BRD10: variants seen among roughly 807,000 people sequenced by gnomAD.
The protein encoded by BRD10 is uncharacterized bromodomain-containing protein 10.
At chr9:6,007,923 C>G in the BRD10 span, 1 of 1,335,190 alleles carries the variant, frequency 7.5e-7, no homozygotes, top group Non-Finnish European at 9.5e-7. Flanking sequence ...TCCTCAGCCG[C>G]CGGCTCGGCT....
the BRD10 span, among the ~76,000 whole-genome samples, chr9:5,980,712 A>C: frequency 6.6e-6 from 1 of 152,138 alleles, no homozygotes; most frequent in Non-Finnish European, 1.5e-5. Context: ...ATTTTAAAAA[A>C]TCTACTTTTT....
the BRD10 span, among the ~76,000 whole-genome samples, chr9:5,879,816 C>G: frequency 6.6e-6 from 1 of 152,176 alleles, no homozygotes; most frequent in African/African-American, 2.4e-5. Context: ...TTTATCCGAC[C>G]TCTGACTATA....
chr9:5,964,435 G>A, the BRD10 span, among the ~76,000 whole-genome samples: 1 of 150,778 alleles, frequency 6.6e-6, no homozygotes, highest in African/African-American at 2.4e-5. Context: ...TGGAGAAATA[G>A]GAACACTTTT....
the BRD10 span, chr9:5,891,011 C>T: frequency 6.6e-6 from 1 of 152,166 alleles, no homozygotes; most frequent in Non-Finnish European, 1.5e-5. Context: ...CTGGCTAAGT[C>T]CTCTGCCTAC....
chr9:5,891,239 T>C, the BRD10 span: 1 of 152,216 alleles, frequency 6.6e-6, no homozygotes, highest in Non-Finnish European at 1.5e-5. Context: ...CCACTTCTCC[T>C]GGTCTGAGTA....
chr9:5,994,800 T>C, the BRD10 span, among the ~76,000 whole-genome samples: 1 of 152,216 alleles, frequency 6.6e-6, no homozygotes, highest in Non-Finnish European at 1.5e-5. Flanking sequence ...TGTCTAACTA[T>C]AACCTCAGCT....
At chr9:6,007,804 G>T in the BRD10 span, 1 of 1,481,708 alleles carries the variant, frequency 6.7e-7, no homozygotes, top group East Asian at 2.5e-5. Flanking sequence ...GCAGGCCTAG[G>T]CTGGGCGGTG....
the BRD10 span, chr9:5,909,378 C>A: frequency 6.6e-6 from 1 of 152,404 alleles, no homozygotes; most frequent in Non-Finnish European, 1.5e-5. Context: ...CCTGCCTTAG[C>A]CTCCTGAGTA....
the BRD10 span, among the ~76,000 whole-genome samples, chr9:5,942,833 A>G: frequency 6.6e-6 from 1 of 152,150 alleles, no homozygotes. Flanking sequence ...TTTCTGATTA[A>G]CATGCCCTCA....
At chr9:5,998,201 T>C in the BRD10 span, among the ~76,000 whole-genome samples, 1 of 152,146 alleles carries the variant, frequency 6.6e-6, no homozygotes, top group South Asian at 2.1e-4. Context: ...AACAGTAGGA[T>C]TGGCCTCTTA....
the BRD10 span, chr9:5,922,721 T>C: frequency 6.2e-7 from 1 of 1,614,012 alleles, no homozygotes. Context: ...TGTTTTAGGA[T>C]CCACCATAGG....
chr9:5,987,923 C>T, the BRD10 span, among the ~76,000 whole-genome samples: 4 of 152,126 alleles, frequency 2.6e-5, no homozygotes, highest in Non-Finnish European at 5.9e-5. Flanking sequence ...CCAGAGTAAG[C>T]ACAGTTATCC....
At chr9:5,974,991 T>C in the BRD10 span, among the ~76,000 whole-genome samples, 15 of 152,232 alleles carry the variant, frequency 9.9e-5, no homozygotes, top group Admixed American at 4.6e-4. Flanking sequence ...TCAAGATTTA[T>C]AGAGATCCAA....
At chr9:5,892,126 T>C in the BRD10 span, among the ~76,000 whole-genome samples, 2 of 152,244 alleles carry the variant, frequency 1.3e-5, no homozygotes, top group Non-Finnish European at 2.9e-5. Flanking sequence ...TCTAGAAGTT[T>C]ATGGTGCAGA....
At chr9:5,879,813 G>A in the BRD10 span, among the ~76,000 whole-genome samples, 11 of 152,236 alleles carry the variant, frequency 7.2e-5, no homozygotes, top group Admixed American at 5.2e-4. Flanking sequence ...GGATTTATCC[G>A]ACCTCTGACT....
At chr9:5,938,170 C>A in the BRD10 span, among the ~76,000 whole-genome samples, 1 of 152,068 alleles carries the variant, frequency 6.6e-6, no homozygotes, top group East Asian at 1.9e-4. Flanking sequence ...CCAACCAACC[C>A]TAATTAAAAA....
chr9:6,006,685 C>T, the BRD10 span, among the ~76,000 whole-genome samples: 3 of 152,186 alleles, frequency 2.0e-5, no homozygotes, highest in Non-Finnish European at 4.4e-5. Flanking sequence ...CAAAAGTAAC[C>T]ATTAACCATT....
chr9:6,007,560 G>C, the BRD10 span: 3 of 1,612,836 alleles, frequency 1.9e-6, no homozygotes, highest in East Asian at 2.2e-5. Context: ...GTAGCTCGTA[G>C]GTCAGCTCCT....
chr9:5,930,522 A>G, the BRD10 span, among the ~76,000 whole-genome samples: 1 of 151,962 alleles, frequency 6.6e-6, no homozygotes, highest in African/African-American at 2.4e-5. Context: ...GTAAATTTCT[A>G]CCTCTGAGGT....
Sources: gnomAD v4.1 joint callset for allele counts (sites outside exome capture counted in the v4.1 genomes callset) on GRCh38, gnomAD v4.1.1 for gene constraint, MANE v1.5 for transcripts, NCBI Gene and HGNC (gene_info 2026-07-23, HGNC 2026-07-21) for gene names.